The following LRCH3 variants were observed in gnomAD, a reference collection of about 807,000 sequenced individuals.
The protein encoded by LRCH3 is DISP complex protein LRCH3.
A neutral mutation model predicts 104.5 loss-of-function variants in LRCH3; 68 were observed. The ratio of observed to expected loss-of-function variants is 0.65; its 90% confidence interval spans 0.54 to 0.80. The LOEUF (loss-of-function observed/expected upper bound fraction) is 0.80, where lower values mean the gene tolerates loss of function less well. Ranked by LOEUF, LRCH3 falls within the 30% of genes least tolerant of loss-of-function variation. LRCH3 has a pLI of 0.00. For synonymous variants in LRCH3, 344 were observed against 361.3 expected (o/e 0.95, Z 0.54); for missense variants, 951 against 953.9 (o/e 1.00, Z 0.04).
intron 15 of LRCH3, among the ~76,000 whole-genome samples, chr3:197,859,661 C>T (rs1280039723): frequency 2.0e-5 from 3 of 152,156 alleles, no homozygotes; most frequent in South Asian, 4.1e-4. Context: ...CAATAATTCT[C>T]ACTGTCAAGA....
chr3:197,840,038 T>G (rs1215540358), intron 10 of LRCH3, among the ~76,000 whole-genome samples: 1 of 152,024 alleles, frequency 6.6e-6, no homozygotes, highest in Non-Finnish European at 1.5e-5. Context: ...TTAACTTACA[T>G]TTTTGACTGG....
In LRCH3 at chr3:197,817,333, T is replaced by TGTGTGTGTATTTTGTGTGTGTGTGC. The variant is rs760159655; in HGVS notation, c.534+39_534+40insATTTTGTGTGTGTGTGCGTGTGTGT. ...TTAATATTTTTGATTGTCCAACATG[T>TGTGTGTGTATTTTGTGTGTGTGTGC]GTGTGTGTGTGTCTGTGTGTGTGTG... is the stretch of plus-strand genomic sequence containing the variant. On this transcript the variant is annotated intron_variant, in intron 3 of 20. Transcript: ENST00000425562. 472 of 509,494 alleles carry TGTGTGTGTATTTTGTGTGTGTGTGC rather than the reference T, an allele frequency of 9.3e-4. 133 individuals are homozygous for TGTGTGTGTATTTTGTGTGTGTGTGC. Among genetic ancestry groups the TGTGTGTGTATTTTGTGTGTGTGTGC allele is most frequent in the South Asian group, 4.1e-3 (146 of 35,980 alleles). 31.6% of individuals were successfully genotyped at this position (509,494 alleles called of 1,614,324 possible).
intron 8 of LRCH3, 140 bp downstream of exon 8, chr3:197,832,457 GA>G: frequency 1.3e-6 from 1 of 771,094 alleles, no homozygotes; most frequent in Non-Finnish European, 1.9e-6. Context: ...ATATATGATT[GA>G]AAAATACTAT....
In LRCH3 at chr3:197,871,308, G is replaced by GT. The variant is rs1712161261; in HGVS notation, c.1993-11dup. ...TCTTTCTTCAATTAATCTATTACAT[G>GT]TTTTTTGTTCTTTCAGCATATTGAG... On this transcript the variant is annotated splice_polypyrimidine_tract_variant and intron_variant, in intron 18 of 20. Coordinates refer to ENST00000425562, the MANE Select transcript of LRCH3 (RefSeq NM_001365715.1). The GT allele has an allele frequency of 6.3e-7, 1 of 1,595,148 alleles. No homozygotes were observed. Among genetic ancestry groups the GT allele is most frequent in the South Asian group, 1.1e-5 (1 of 90,292 alleles).
chr3:197,813,244 A>G (rs1265293227), intron 1 of LRCH3, among the ~76,000 whole-genome samples: 2 of 152,166 alleles, frequency 1.3e-5, no homozygotes, highest in African/African-American at 2.4e-5. Flanking sequence ...ATCCATTTAT[A>G]CTCTTTTAAT....
intron 8 of LRCH3, 48 bp downstream of exon 8, chr3:197,832,365 T>C (rs1354110784): frequency 6.3e-7 from 1 of 1,588,812 alleles, no homozygotes. Flanking sequence ...CCATTTAACT[T>C]TTTAAAGTTG....
At chr3:197,858,741 C>G in intron 14 of LRCH3, 93 bp from the exon 15 acceptor site, 1 of 1,019,096 alleles carries the variant, frequency 9.8e-7, no homozygotes, top group South Asian at 1.3e-5. Flanking sequence ...AGTGACCTTT[C>G]CTTTTCTCAT....
chr3:197,865,182 TCTCA>T (rs1365055104), intron 15 of LRCH3, among the ~76,000 whole-genome samples: 2 of 152,130 alleles, frequency 1.3e-5, no homozygotes, highest in Non-Finnish European at 2.9e-5. Flanking sequence ...AGAGACAGGG[TCTCA>T]CTATGTTGCC....
At chr3:197,866,742 C>G (rs1157089278) in intron 17 of LRCH3, among the ~76,000 whole-genome samples, 2 of 152,044 alleles carry the variant, frequency 1.3e-5, no homozygotes, top group South Asian at 2.1e-4. Flanking sequence ...TTGCTTGAGC[C>G]CAGGACTTCA....
intron 17 of LRCH3, among the ~76,000 whole-genome samples, chr3:197,868,295 A>G (rs1162938544): frequency 6.6e-6 from 1 of 151,844 alleles, no homozygotes; most frequent in African/African-American, 2.4e-5. Context: ...AACAATTTAT[A>G]TAGCATTTAC....
At chr3:197,845,491 G>GT (rs1418030385) in intron 10 of LRCH3, among the ~76,000 whole-genome samples, 3 of 151,634 alleles carry the variant, frequency 2.0e-5, no homozygotes, top group Non-Finnish European at 2.9e-5. Flanking sequence ...CTGCATTTTT[G>GT]TTTTTTATGT....
chr3:197,804,502 G>C lies in LRCH3; in HGVS notation c.263-10406G>C, dbSNP rs192995858. ...CCAGTAGGTATGGTAAGGATCCAGAGTGCAGAAATCCCATCGTGTATCCAG... is the reference window on the plus strand; with the variant it reads ...CCAGTAGGTATGGTAAGGATCCAGACTGCAGAAATCCCATCGTGTATCCAG... On this transcript the variant is annotated intron_variant, in intron 1 of 20. Coordinates refer to ENST00000425562, the MANE Select transcript of LRCH3 (RefSeq NM_001365715.1). 6.8e-3 allele frequency among the ~76,000 whole-genome samples: 1,028 copies of C among 152,262 alleles called. 9 individuals carry two copies. Among genetic ancestry groups the C allele is most frequent in the Non-Finnish European group, 0.011 (765 of 68,030 alleles).
At chr3:197,874,878 C>CTA (rs1712683200) in intron 19 of LRCH3, among the ~76,000 whole-genome samples, 1 of 151,838 alleles carries the variant, frequency 6.6e-6, no homozygotes, top group African/African-American at 2.4e-5. Context: ...TGCATATTGT[C>CTA]TATAGTTGCT....
chr3:197,800,658 CTT>C (rs1731777241), intron 1 of LRCH3, among the ~76,000 whole-genome samples: 1 of 152,140 alleles, frequency 6.6e-6, no homozygotes, highest in South Asian at 2.1e-4. Context: ...AAATTCCACT[CTT>C]GAGATAAATC....
chr3:197,839,186 G>A (rs1239049535), intron 9 of LRCH3, 135 bp from the exon 10 acceptor site: 3 of 597,738 alleles, frequency 5.0e-6, no homozygotes, highest in Non-Finnish European at 8.7e-6. Context: ...TAAACTTAAA[G>A]TTTACATTTG....
rs1398205560 is a variant in LRCH3 at position 197,886,450 on chromosome 3, A to G, written c.*2784A>G. ...TATATTTACAGTTCCCAACAGACCC[A>G]CCAACTCTTATATACCCTTATATAA... On this transcript the variant is annotated 3_prime_UTR_variant, in exon 21 of 21. Coordinates refer to ENST00000425562, the MANE Select transcript of LRCH3 (RefSeq NM_001365715.1). 1.3e-5 allele frequency: 2 copies of G among 152,184 alleles called. No homozygotes were observed. Among genetic ancestry groups the G allele is most frequent in the African/African-American group, 4.8e-5 (2 of 41,446 alleles). The allele number at this position is 152,184 out of a possible 1,614,324, so 9.4% of individuals were successfully genotyped here. A position where few individuals can be genotyped will look rare whatever the true frequency, so the allele number is the denominator to read the frequency against.
chr3:197,875,900 T>C, intron 20 of LRCH3, 125 bp downstream of exon 20: 1 of 605,110 alleles, frequency 1.7e-6, no homozygotes, highest in South Asian at 2.3e-5. Flanking sequence ...TAACATGACT[T>C]TGTGTTACAA....
intron 6 of LRCH3, 78 bp downstream of exon 6, chr3:197,829,751 A>C: frequency 4.2e-6 from 4 of 957,090 alleles, no homozygotes; most frequent in Non-Finnish European, 6.3e-6. Context: ...AATTTGCCTG[A>C]ATGTTTGACT....
chr3:197,886,183 A>T lies in LRCH3; in HGVS notation c.*2517A>T, dbSNP rs1355101431. On this transcript the variant is annotated 3_prime_UTR_variant, in exon 21 of 21. Transcript: ENST00000425562. ...GCAAGACCCTGTCTCCCAAAAATTAAAAAAAAAAAAAAAAAACCAGGTGTG... is the reference window on the plus strand; with the variant it reads ...GCAAGACCCTGTCTCCCAAAAATTATAAAAAAAAAAAAAAAACCAGGTGTG... 2 of 109,520 alleles carry T rather than the reference A, an allele frequency of 1.8e-5. No individual in the cohort carries two copies. Among genetic ancestry groups the T allele is most frequent in the African/African-American group, 4.6e-5 (1 of 21,720 alleles). 6.8% of individuals were successfully genotyped at this position (109,520 alleles called of 1,614,324 possible).
Sources: allele counts gnomAD v4.1 joint callset (sites outside exome capture counted in the v4.1 genomes callset), GRCh38; gene constraint gnomAD v4.1.1; transcripts MANE v1.5; gene names NCBI Gene and HGNC (gene_info 2026-07-23, HGNC 2026-07-21).